The following GRIN3A variants were observed in gnomAD, a reference collection of about 807,000 sequenced individuals.
GRIN3A encodes the protein glutamate receptor ionotropic, NMDA 3A.
A neutral mutation model predicts 92.4 loss-of-function variants in GRIN3A; 47 were observed. The observed-to-expected ratio is 0.51, with a 90% CI of 0.40 to 0.65. GRIN3A has a LOEUF of 0.65. Ranked by LOEUF, GRIN3A falls within the 30% of genes least tolerant of loss-of-function variation. The probability of loss-of-function intolerance (pLI) is 0.00; values close to 1 mark genes in which losing one functional copy is unlikely to be tolerated. For missense variants in GRIN3A, 1,324 were observed against 1,393.1 expected (o/e 0.95, Z 0.79); for synonymous variants, 527 against 540.6 (o/e 0.97, Z 0.35).
At chr9:101,685,249 C>CATATAT (rs71356377) in intron 2 of GRIN3A, among the ~76,000 whole-genome samples, 13 of 149,490 alleles carry the variant, frequency 8.7e-5, no homozygotes, top group Middle Eastern at 3.5e-3. Context: ...TTTATACATA[C>CATATAT]ATATATATAT....
chr9:101,735,999 T>G lies in GRIN3A; in HGVS notation c.699+1282A>C, dbSNP rs540777275. On this transcript the variant is annotated intron_variant, in intron 1 of 8. Coordinates refer to ENST00000361820, the MANE Select transcript of GRIN3A (RefSeq NM_133445.3). ...TTATTTTCTTCTAGAAAAAGAAATC[T>G]TTAGTACTCCCTTGACAATTTATGC... Among the ~76,000 whole-genome samples, 4 of 152,352 alleles carry G rather than the reference T, an allele frequency of 2.6e-5. No individual in the cohort carries two copies. In the East Asian group the frequency reaches 7.7e-4, roughly 29 times the overall value.
At chr9:101,641,705 T>C (rs1235727332) in intron 3 of GRIN3A, among the ~76,000 whole-genome samples, 2 of 151,140 alleles carry the variant, frequency 1.3e-5, no homozygotes, top group African/African-American at 4.9e-5. Flanking sequence ...GGGTGCAGCA[T>C]ACCAACATGG....
At chr9:101,680,475 T>C (rs1829453834) in intron 2 of GRIN3A, among the ~76,000 whole-genome samples, 1 of 152,186 alleles carries the variant, frequency 6.6e-6, no homozygotes, top group South Asian at 2.1e-4. Flanking sequence ...TGTGTAAGCA[T>C]AAAGATAAAC....
chr9:101,722,302 G>C (rs1350482769), intron 1 of GRIN3A, among the ~76,000 whole-genome samples: 1 of 152,240 alleles, frequency 6.6e-6, no homozygotes, highest in African/African-American at 2.4e-5. Context: ...AAGATGTATA[G>C]TAATGCCTGG....
At chr9:101,616,223 G>A (rs765505623) in intron 5 of GRIN3A, among the ~76,000 whole-genome samples, 1 of 152,194 alleles carries the variant, frequency 6.6e-6, no homozygotes, top group South Asian at 2.1e-4. Context: ...TGTGCATGAT[G>A]TGCAAATAAG....
chr9:101,602,560 T>G (rs145311561), intron 6 of GRIN3A, among the ~76,000 whole-genome samples: 8 of 152,288 alleles, frequency 5.3e-5, no homozygotes, highest in African/African-American at 1.7e-4. Flanking sequence ...GTTCATACCT[T>G]TTAGTTGCAT....
intron 1 of GRIN3A, among the ~76,000 whole-genome samples, chr9:101,704,701 A>G (rs181552788): frequency 1.3e-5 from 2 of 152,302 alleles, no homozygotes; most frequent in African/African-American, 4.8e-5. Context: ...GATTTTGCCT[A>G]ATTATAGGCT....
In GRIN3A at chr9:101,737,825, G is replaced by A; in HGVS notation, c.155C>T (p.Ala52Val). The change falls in exon 1 of 9, where the codon GCG becomes GTG. Residue 52 changes from alanine (A) to valine (V), a missense_variant. Ala to Val is a moderately conservative substitution (Grantham distance 64). Coordinates refer to ENST00000361820, the MANE Select transcript of GRIN3A (RefSeq NM_133445.3). ...KRIGHAVRVG[A>V]VHLQPWTTAP... ...GGTGGTCCAGGGCTGCAAGTGCACC[G>A]CGCCCACCCTCACCGCGTGCCCGAT... is the stretch of plus-strand genomic sequence containing the variant. The A allele has an allele frequency of 1.3e-6, 2 of 1,532,400 alleles. No individual in the cohort carries two copies. The highest frequency in any genetic ancestry group is 1.2e-5 in the South Asian group (1 of 83,862). 94.9% of individuals were successfully genotyped at this position (1,532,400 alleles called of 1,614,324 possible).
At chr9:101,683,137 A>T (rs1156556978) in intron 2 of GRIN3A, among the ~76,000 whole-genome samples, 1 of 152,188 alleles carries the variant, frequency 6.6e-6, no homozygotes, top group Non-Finnish European at 1.5e-5. Flanking sequence ...AAAATCTCTA[A>T]TACCTGTAAT....
intron 1 of GRIN3A, among the ~76,000 whole-genome samples, chr9:101,726,373 C>G (rs1830082723): frequency 6.6e-6 from 1 of 152,140 alleles, no homozygotes; most frequent in Admixed American, 6.5e-5. Context: ...AAGTGAGAAA[C>G]TGAGAGAAGA....
intron 8 of GRIN3A, among the ~76,000 whole-genome samples, chr9:101,574,579 A>G (rs1827804441): frequency 6.6e-6 from 1 of 152,202 alleles, no homozygotes; most frequent in Non-Finnish European, 1.5e-5. Flanking sequence ...AAGGGGAAAG[A>G]GAAGAATAAT....
chr9:101,613,496 T>C lies in GRIN3A; in HGVS notation c.2646A>G (p.Pro882=), dbSNP rs758271512. The C allele has an allele frequency of 7.4e-6, 12 of 1,614,070 alleles. No homozygotes were observed. Among genetic ancestry groups the C allele is most frequent in the African/African-American group, 4.0e-5 (3 of 74,932 alleles). The part of the protein sequence containing the change: ...GYGIGLPPNS[P]LTANISELIS... ...TTAGCTCGGATATGTTGGCGGTCAATGGAGAGTTGGGTGGGAGGCCAATGC... is the reference window on the plus strand; with the variant it reads ...TTAGCTCGGATATGTTGGCGGTCAACGGAGAGTTGGGTGGGAGGCCAATGC... The change falls in exon 6 of 9, where the codon CCA becomes CCG. Residue 882 remains proline, a synonymous_variant. Coordinates refer to ENST00000361820, the MANE Select transcript of GRIN3A (RefSeq NM_133445.3).
intron 1 of GRIN3A, among the ~76,000 whole-genome samples, chr9:101,707,902 C>T (rs1297431687): frequency 2.6e-5 from 4 of 151,996 alleles, no homozygotes; most frequent in African/African-American, 9.7e-5. Flanking sequence ...GCATGAAGGC[C>T]GAAGTTGCTC....
At chr9:101,683,202 GA>G (rs1259399484) in intron 2 of GRIN3A, among the ~76,000 whole-genome samples, 1 of 152,160 alleles carries the variant, frequency 6.6e-6, no homozygotes, top group East Asian at 1.9e-4. Context: ...AAGCCTAGCT[GA>G]AAATGCCATG....
chr9:101,724,468 C>T (rs1017781190), intron 1 of GRIN3A, among the ~76,000 whole-genome samples: 2 of 152,138 alleles, frequency 1.3e-5, no homozygotes, highest in East Asian at 3.9e-4. Context: ...GCGCGCAGCC[C>T]TGGTTCCCGC....
At position 101,585,104 on chromosome 9, in the gene GRIN3A, C is replaced by G. The variant is rs558881341; in HGVS notation, c.2767-5744G>C. On this transcript the variant is annotated intron_variant, in intron 6 of 8. Coordinates refer to ENST00000361820, the MANE Select transcript of GRIN3A (RefSeq NM_133445.3). ...CTTCAATCAGACTTTTGTCCCCTCCCATCACCTGTCAAACAATTCCTGTAA... is the reference window on the plus strand; with the variant it reads ...CTTCAATCAGACTTTTGTCCCCTCCGATCACCTGTCAAACAATTCCTGTAA... Among the ~76,000 whole-genome samples the G allele has an allele frequency of 1.7e-4, 26 of 152,294 alleles. No individual in the cohort carries two copies. The South Asian group carries it at 5.0e-3, about 29-fold the overall frequency.
At chr9:101,643,383 CA>C (rs1828892210) in intron 3 of GRIN3A, among the ~76,000 whole-genome samples, 1 of 151,842 alleles carries the variant, frequency 6.6e-6, no homozygotes, top group Non-Finnish European at 1.5e-5. Flanking sequence ...TGACTATTAT[CA>C]AAAGTTGAAT....
At chr9:101,718,423 A>G (rs1029691867) in intron 1 of GRIN3A, among the ~76,000 whole-genome samples, 2 of 152,222 alleles carry the variant, frequency 1.3e-5, no homozygotes, top group South Asian at 2.1e-4. Flanking sequence ...CAACATGTGC[A>G]TATGCTTGGA....
At chr9:101,710,495 T>C (rs748740666) in intron 1 of GRIN3A, among the ~76,000 whole-genome samples, 3 of 152,174 alleles carry the variant, frequency 2.0e-5, no homozygotes, top group Non-Finnish European at 4.4e-5. Context: ...AAGAATTTAG[T>C]GTTTGGATGG....
Sources: allele counts gnomAD v4.1 joint callset (sites outside exome capture counted in the v4.1 genomes callset), GRCh38; gene constraint gnomAD v4.1.1; transcripts MANE v1.5; gene names NCBI Gene and HGNC (gene_info 2026-07-23, HGNC 2026-07-21).